MCF2L2: variants seen among roughly 807,000 people sequenced by gnomAD.
MCF2L2 encodes the protein MCF.2 cell line derived transforming sequence-like 2.
Under a neutral mutation model 150.2 loss-of-function variants are expected in MCF2L2, and 102 were observed. The observed-to-expected ratio is 0.68, with a 90% CI of 0.58 to 0.80. The LOEUF (loss-of-function observed/expected upper bound fraction) is 0.80, where lower values mean the gene tolerates loss of function less well. Ranked by LOEUF, MCF2L2 falls within the 30% of genes least tolerant of loss-of-function variation. The probability of loss-of-function intolerance (pLI) is 0.00; values close to 1 mark genes in which losing one functional copy is unlikely to be tolerated. For synonymous variants in MCF2L2, 465 were observed against 491.3 expected (o/e 0.95, Z 0.71); for missense variants, 1,256 against 1,372.8 (o/e 0.91, Z 1.34).
At chr3:183,297,343 G>A (rs1179439014) in intron 11 of MCF2L2, 176 bp from the exon 12 acceptor site, 7 of 584,714 alleles carry the variant, frequency 1.2e-5, no homozygotes, top group African/African-American at 1.1e-4. Flanking sequence ...ACTATGAGGG[G>A]GACAAACCCA....
intron 5 of MCF2L2, among the ~76,000 whole-genome samples, chr3:183,332,720 C>T (rs1375268854): frequency 6.6e-6 from 1 of 152,124 alleles, no homozygotes; most frequent in East Asian, 1.9e-4. Context: ...GACACGTCAT[C>T]GGCTTCTTGT....
chr3:183,328,963 T>C (rs777228107), intron 5 of MCF2L2, among the ~76,000 whole-genome samples: 2 of 152,066 alleles, frequency 1.3e-5, no homozygotes, highest in African/African-American at 2.4e-5. Context: ...AATAGCAAAT[T>C]AAAACCACAG....
intron 2 of MCF2L2, among the ~76,000 whole-genome samples, chr3:183,380,107 A>T (rs1713430726): frequency 6.6e-6 from 1 of 152,192 alleles, no homozygotes; most frequent in Admixed American, 6.5e-5. Context: ...ATAAATAGTA[A>T]TTTAAGATAT....
intron 1 of MCF2L2, among the ~76,000 whole-genome samples, chr3:183,410,430 A>C (rs1715264708): frequency 6.6e-6 from 1 of 152,122 alleles, no homozygotes; most frequent in African/African-American, 2.4e-5. Flanking sequence ...TAAAGCAGGG[A>C]CCCATGGGTG....
intron 27 of MCF2L2, among the ~76,000 whole-genome samples, chr3:183,189,244 G>A (rs139199017): frequency 1.1e-3 from 173 of 152,346 alleles, no homozygotes; most frequent in African/African-American, 3.9e-3. Context: ...GTGCCTAAGA[G>A]GAAGTGCACT....
chr3:183,304,681 C>T (rs955473760), intron 10 of MCF2L2, among the ~76,000 whole-genome samples: 6 of 151,298 alleles, frequency 4.0e-5, no homozygotes, highest in Admixed American at 2.6e-4. Flanking sequence ...ACCATGTTGC[C>T]CAGGCTGGTC....
intron 2 of MCF2L2, among the ~76,000 whole-genome samples, chr3:183,385,927 C>T (rs1251696714): frequency 1.3e-5 from 2 of 152,174 alleles, no homozygotes; most frequent in Non-Finnish European, 2.9e-5. Context: ...GGACACTGAC[C>T]TAATGTCTGG....
At chr3:183,302,319 A>T (rs1380934724) in intron 10 of MCF2L2, among the ~76,000 whole-genome samples, 9 of 152,194 alleles carry the variant, frequency 5.9e-5, no homozygotes, top group Non-Finnish European at 1.0e-4. Flanking sequence ...TCTTCGAAGA[A>T]ATGTGTGCAT....
intron 15 of MCF2L2, among the ~76,000 whole-genome samples, chr3:183,231,805 G>A (rs1723571574): frequency 6.6e-6 from 1 of 152,116 alleles, no homozygotes; most frequent in African/African-American, 2.4e-5. Flanking sequence ...TGTACATGGG[G>A]TTAGATGTAT....
At chr3:183,414,738 G>A (rs188607967) in intron 1 of MCF2L2, among the ~76,000 whole-genome samples, 38 of 152,214 alleles carry the variant, frequency 2.5e-4, no homozygotes, top group African/African-American at 8.7e-4. Context: ...CATCCTCTAA[G>A]TTTGAGTATG....
chr3:183,396,429 G>C (rs1714462126), intron 1 of MCF2L2, among the ~76,000 whole-genome samples: 2 of 152,162 alleles, frequency 1.3e-5, no homozygotes, highest in Non-Finnish European at 2.9e-5. Flanking sequence ...ATAGAACCAA[G>C]CATCAATGCT....
At chr3:183,219,716 CTG>C (rs1251599809) in intron 21 of MCF2L2, 138 bp downstream of exon 21, 12 of 495,370 alleles carry the variant, frequency 2.4e-5, no homozygotes, top group Non-Finnish European at 3.9e-5. Context: ...TTTTTCTTGA[CTG>C]TGAGTTATAG....
At chr3:183,420,748 C>A (rs942431964) in intron 1 of MCF2L2, among the ~76,000 whole-genome samples, 1 of 152,192 alleles carries the variant, frequency 6.6e-6, no homozygotes, top group African/African-American at 2.4e-5. Flanking sequence ...CTTCGCAAGG[C>A]AGCAGGAGAG....
At chr3:183,215,266 A>T (rs1194859155) in intron 22 of MCF2L2, among the ~76,000 whole-genome samples, 2 of 152,234 alleles carry the variant, frequency 1.3e-5, no homozygotes, top group Non-Finnish European at 2.9e-5. Context: ...GTAATTTATT[A>T]TGACAGTGAA....
At chr3:183,426,176 G>A (rs1716155064) in intron 1 of MCF2L2, among the ~76,000 whole-genome samples, 1 of 152,174 alleles carries the variant, frequency 6.6e-6, no homozygotes, top group Non-Finnish European at 1.5e-5. Context: ...TATAGAAGGA[G>A]GGAGGGAGCA....
At chr3:183,309,445 G>A (rs1383933986) in intron 10 of MCF2L2, among the ~76,000 whole-genome samples, 2 of 152,068 alleles carry the variant, frequency 1.3e-5, no homozygotes, top group East Asian at 1.9e-4. Context: ...TGCTGACCAC[G>A]TGAGAGGGCA....
chr3:183,204,954 A>G (rs1359790097), intron 25 of MCF2L2, among the ~76,000 whole-genome samples: 3 of 152,204 alleles, frequency 2.0e-5, no homozygotes, highest in Non-Finnish European at 2.9e-5. Flanking sequence ...GACAGGAAAT[A>G]CATTAGTGAT....
chr3:183,418,103 A>T (rs1055742167), intron 1 of MCF2L2, among the ~76,000 whole-genome samples: 1 of 152,064 alleles, frequency 6.6e-6, no homozygotes, highest in African/African-American at 2.4e-5. Flanking sequence ...CAGAAGAATC[A>T]CTTGGACCCA....
At position 183,316,064 on chromosome 3, in the gene MCF2L2, C is replaced by A. The variant is rs569065465; in HGVS notation, c.753+2004G>T. 9.0e-4 allele frequency among the ~76,000 whole-genome samples: 137 copies of A among 152,312 alleles called. 1 individual carries two copies. The highest frequency in any genetic ancestry group is 2.7e-3 in the Admixed American group (41 of 15,304). ...TTCCCATGACACCCCTTTGCACCAA[C>A]AGGACCACTCTGCAGACTCCTTTTG... On this transcript the variant is annotated intron_variant, in intron 7 of 29. Coordinates refer to ENST00000328913, the MANE Select transcript of MCF2L2 (RefSeq NM_015078.4).
Sources: allele counts gnomAD v4.1 joint callset (sites outside exome capture counted in the v4.1 genomes callset), GRCh38; gene constraint gnomAD v4.1.1; transcripts MANE v1.5; gene names NCBI Gene and HGNC (gene_info 2026-07-23, HGNC 2026-07-21).